The following MALRD1 variants were observed in gnomAD, a reference collection of about 807,000 sequenced individuals.
MALRD1 encodes the protein MAM and LDL receptor class A domain containing 1.
Under a neutral mutation model 242.1 loss-of-function variants are expected in MALRD1, and 247 were observed. The ratio of observed to expected loss-of-function variants is 1.02; its 90% CI spans 0.92 to 1.13. MALRD1 has a LOEUF of 1.13. Among genes scored for constraint, MALRD1 ranks in the 50% most tolerant of loss-of-function variants. The pLI is 0.00. For missense variants in MALRD1, 2,989 were observed against 2,533.1 expected, an observed-to-expected ratio of 1.18 and a Z score of -3.86; for synonymous variants, 995 against 866.6, an observed-to-expected ratio of 1.15 and a Z score of -2.60.
At chr10:19,489,807 G>A (rs921946457) in intron 29 of MALRD1, among the ~76,000 whole-genome samples, 4 of 152,112 alleles carry the variant, frequency 2.6e-5, no homozygotes, top group African/African-American at 9.7e-5. Context: ...ATGTTGTTTT[G>A]TAGTAGAATT....
chr10:19,248,671 C>T (rs1322222940), intron 18 of MALRD1, among the ~76,000 whole-genome samples: 1 of 151,604 alleles, frequency 6.6e-6, no homozygotes, highest in Non-Finnish European at 1.5e-5. Context: ...AGGAATTAGA[C>T]TCTTTGACTG....
intron 18 of MALRD1, among the ~76,000 whole-genome samples, chr10:19,210,389 G>T (rs1192581173): frequency 2.0e-5 from 3 of 152,152 alleles, no homozygotes; most frequent in Non-Finnish European, 4.4e-5. Flanking sequence ...TGGCCAAACA[G>T]CTTATGGGCA....
At chr10:19,447,069 GAC>G (rs374350237) in intron 28 of MALRD1, among the ~76,000 whole-genome samples, 58,331 of 141,656 alleles carry the variant, frequency 0.41, 11,127 homozygotes, top group Middle Eastern at 0.45. Flanking sequence ...CACATACACA[GAC>G]ACACACACAC....
At chr10:19,076,699 G>T (rs1339211620) in intron 2 of MALRD1, among the ~76,000 whole-genome samples, 3 of 151,956 alleles carry the variant, frequency 2.0e-5, no homozygotes, top group Non-Finnish European at 4.4e-5. Context: ...TTGTACTGTA[G>T]TTTGAAAGGA....
intron 28 of MALRD1, among the ~76,000 whole-genome samples, chr10:19,424,557 A>C (rs976253380): frequency 2.0e-5 from 3 of 152,222 alleles, no homozygotes; most frequent in African/African-American, 7.2e-5. Context: ...ATACACTAAT[A>C]TGAGATCTGC....
intron 10 of MALRD1, among the ~76,000 whole-genome samples, chr10:19,138,489 C>T (rs8181293): frequency 0.067 from 9,923 of 148,388 alleles, 377 homozygotes; most frequent in East Asian, 0.21. Context: ...GGCATGATCT[C>T]GGCTCACTAC....
At chr10:19,160,445 C>A (rs1380128406) in intron 12 of MALRD1, among the ~76,000 whole-genome samples, 1 of 76,076 alleles carries the variant, frequency 1.3e-5, no homozygotes, top group Middle Eastern at 4.3e-3. Context: ...TGTCTCTGCC[C>A]GGCTTTGGTA....
intron 1 of MALRD1, among the ~76,000 whole-genome samples, chr10:19,064,087 G>A (rs1425979120): frequency 2.6e-5 from 4 of 152,022 alleles, no homozygotes; most frequent in African/African-American, 4.8e-5. Flanking sequence ...AGATAATTGC[G>A]GCTTCCAAGC....
chr10:19,491,387 C>T (rs1402525753), intron 29 of MALRD1, 130 bp from the exon 30 acceptor site: 1 of 1,104,596 alleles, frequency 9.1e-7, no homozygotes, highest in Non-Finnish European at 1.3e-6. Flanking sequence ...TTGGGGAAGT[C>T]CATCTTAGGC....
intron 29 of MALRD1, among the ~76,000 whole-genome samples, chr10:19,475,817 GTC>G (rs1836702743): frequency 1.3e-5 from 2 of 152,168 alleles, no homozygotes; most frequent in Admixed American, 6.5e-5. Flanking sequence ...TAATTAAAAG[GTC>G]TCAATCTGAT....
chr10:19,385,997 C>T (rs772157886), intron 26 of MALRD1, among the ~76,000 whole-genome samples: 15 of 152,072 alleles, frequency 9.9e-5, no homozygotes, highest in South Asian at 4.1e-4. Flanking sequence ...AGCTTATTTT[C>T]AATGGCTTCA....
At chr10:19,076,270 T>A (rs1262511693) in intron 2 of MALRD1, among the ~76,000 whole-genome samples, 1 of 151,916 alleles carries the variant, frequency 6.6e-6, no homozygotes, top group African/African-American at 2.4e-5. Context: ...ATCATCTATC[T>A]ATCTATCTAT....
chr10:19,635,127 A>G (rs1840071664), intron 36 of MALRD1, among the ~76,000 whole-genome samples: 1 of 152,154 alleles, frequency 6.6e-6, no homozygotes, highest in South Asian at 2.1e-4. Flanking sequence ...ACAGCAAAAG[A>G]CTTAACTGGA....
intron 19 of MALRD1, among the ~76,000 whole-genome samples, chr10:19,271,939 A>G (rs1319605425): frequency 6.6e-6 from 1 of 152,162 alleles, no homozygotes; most frequent in Non-Finnish European, 1.5e-5. Flanking sequence ...ATCAGCAAGA[A>G]AAACACTGGA....
At chr10:19,687,749 C>G (rs1842636213) in intron 36 of MALRD1, among the ~76,000 whole-genome samples, 1 of 152,038 alleles carries the variant, frequency 6.6e-6, no homozygotes, top group South Asian at 2.1e-4. Context: ...TTTGGCCATT[C>G]CTTTTAGAGA....
chr10:19,666,580 G>A (rs374230942), intron 36 of MALRD1, among the ~76,000 whole-genome samples: 1 of 151,994 alleles, frequency 6.6e-6, no homozygotes, highest in East Asian at 1.9e-4. Flanking sequence ...CCATTATTGC[G>A]AGTATTCTCT....
At chr10:19,387,255 T>C (rs909869723) in intron 26 of MALRD1, among the ~76,000 whole-genome samples, 8 of 151,702 alleles carry the variant, frequency 5.3e-5, no homozygotes, top group Non-Finnish European at 8.8e-5. Context: ...AATGTTGCAT[T>C]TGGGGAGATG....
At chr10:19,663,044 T>C (rs996037759) in intron 36 of MALRD1, among the ~76,000 whole-genome samples, 1 of 152,114 alleles carries the variant, frequency 6.6e-6, no homozygotes, top group African/African-American at 2.4e-5. Context: ...TTTTATAGAT[T>C]TAGGGAGTAC....
intron 19 of MALRD1, among the ~76,000 whole-genome samples, chr10:19,274,168 C>A (rs1344527871): frequency 1.3e-5 from 2 of 152,126 alleles, no homozygotes; most frequent in African/African-American, 4.8e-5. Flanking sequence ...GAGATTTTTG[C>A]CTCCCCTTGT....
Sources: allele counts gnomAD v4.1 joint callset (sites outside exome capture counted in the v4.1 genomes callset), GRCh38; gene constraint gnomAD v4.1.1; transcripts MANE v1.5; gene names NCBI Gene and HGNC (gene_info 2026-07-23, HGNC 2026-07-21).